CGNL1: variants seen among roughly 807,000 people sequenced by gnomAD.
CGNL1 encodes the protein cingulin like 1, also known as cingulin-like protein 1.
In CGNL1, 132 loss-of-function variants were observed where a neutral mutation model predicts 141.2. That is an observed-to-expected ratio of 0.93 (90% CI 0.81 to 1.08). CGNL1 has a LOEUF of 1.08. CGNL1 is among the 50% of genes least tolerant of loss of function. The pLI is 0.00. For missense variants in CGNL1, 1,870 were observed against 1,588.6 expected, an observed-to-expected ratio of 1.18 and a Z score of -3.01; for synonymous variants, 690 against 622.1, an observed-to-expected ratio of 1.11 and a Z score of -1.63.
chr15:57,430,953 C>G (rs568307385), intron 1 of CGNL1, among the ~76,000 whole-genome samples: 2 of 152,020 alleles, frequency 1.3e-5, no homozygotes, highest in African/African-American at 4.8e-5. Flanking sequence ...AATTCCTGGC[C>G]GCAGGTGATC....
At chr15:57,416,197 G>GT (rs201713687) in intron 1 of CGNL1, among the ~76,000 whole-genome samples, 612 of 57,560 alleles carry the variant, frequency 0.011, 4 homozygotes, top group South Asian at 0.023. Flanking sequence ...TTTGCTCAGT[G>GT]TTTTTTTTTT....
At position 57,402,484 on chromosome 15, in the gene CGNL1, G is replaced by A. The variant is rs370860473; in HGVS notation, c.-16+25917G>A. ...AATGGACTAGCACACCATGCTCTAAGTAGGGCATAAAGAAAGGAGCCTGGA... is the reference window on the plus strand; with the variant it reads ...AATGGACTAGCACACCATGCTCTAAATAGGGCATAAAGAAAGGAGCCTGGA... On this transcript the variant is annotated intron_variant, in intron 1 of 18. Transcript: ENST00000281282. 8.9e-4 allele frequency among the ~76,000 whole-genome samples: 135 copies of A among 152,286 alleles called. 4 individuals are homozygous for A. The South Asian group carries it at 0.028, about 31-fold the overall frequency.
chr15:57,413,137 C>T (rs1441543178), intron 1 of CGNL1, among the ~76,000 whole-genome samples: 3 of 152,028 alleles, frequency 2.0e-5, no homozygotes, highest in African/African-American at 4.8e-5. Context: ...GGGATTAGGG[C>T]GTGAGCCACC....
In CGNL1 at chr15:57,548,758, A is replaced by ATG. The variant is rs1480059156; in HGVS notation, c.*1269_*1270dup. The ATG allele has an allele frequency of 3.3e-5, 5 of 151,836 alleles. No homozygotes were observed. Among genetic ancestry groups the ATG allele is most frequent in the Non-Finnish European group, 7.4e-5 (5 of 67,998 alleles). The allele number at this position is 151,836 out of a possible 1,614,324, so 9.4% of individuals were successfully genotyped here. A position where few individuals can be genotyped will look rare whatever the true frequency, so the allele number is the denominator to read the frequency against. On this transcript the variant is annotated 3_prime_UTR_variant, in exon 19 of 19. Transcript: ENST00000281282. ...TTTGGGATCGGGGGAATAAGAGGGT[A>ATG]TGGGGGAAAGGTTCATAGACTTAGG... is the stretch of plus-strand genomic sequence containing the variant.
intron 10 of CGNL1, among the ~76,000 whole-genome samples, chr15:57,520,491 A>G (rs1409427321): frequency 2.6e-5 from 4 of 152,216 alleles, no homozygotes; most frequent in African/African-American, 9.6e-5. Context: ...ACCATGACTC[A>G]GTTAAAAAGT....
intron 8 of CGNL1, among the ~76,000 whole-genome samples, chr15:57,503,212 G>A (rs1482447829): frequency 6.6e-6 from 1 of 152,212 alleles, no homozygotes; most frequent in African/African-American, 2.4e-5. Context: ...AGGTCAGTAG[G>A]AGCCTTGGCA....
chr15:57,438,323 C>A lies in CGNL1; in HGVS notation c.324C>A (p.Tyr108Ter). ...AACTTCAGCTTCCAGAAAACCCATA[C>A]GCCCAGCCTAGCCCAATAAGAAACC... ...SEELQLPENP[Y>*]AQPSPIRNLK... Residue 108 changes from tyrosine to a stop codon, truncating the protein, a stop_gained, in exon 2 of 19, where the codon TAC (tyrosine) becomes TAA (stop). Coordinates refer to ENST00000281282, the MANE Select transcript of CGNL1 (RefSeq NM_032866.5). LOFTEE classifies it high-confidence loss of function. 1 of 1,614,138 alleles carries A rather than the reference C, an allele frequency of 6.2e-7. No individual in the cohort carries two copies. Among genetic ancestry groups the A allele is most frequent in the Non-Finnish European group, 8.5e-7 (1 of 1,180,028 alleles).
At chr15:57,419,189 C>G (rs931627718) in intron 1 of CGNL1, among the ~76,000 whole-genome samples, 2 of 152,168 alleles carry the variant, frequency 1.3e-5, no homozygotes, top group Non-Finnish European at 2.9e-5. Context: ...CTCGGCCTCC[C>G]AAAGTGCTGA....
intron 8 of CGNL1, among the ~76,000 whole-genome samples, chr15:57,465,439 G>A (rs1362774899): frequency 2.2e-4 from 31 of 141,920 alleles, no homozygotes; most frequent in Admixed American, 2.0e-3. Context: ...TGCCCAGGCT[G>A]GAGTGAAGTA....
chr15:57,461,405 A>G (rs1334975881), intron 7 of CGNL1, among the ~76,000 whole-genome samples: 2 of 152,166 alleles, frequency 1.3e-5, no homozygotes, highest in Non-Finnish European at 2.9e-5. Context: ...GTGTTCCCCA[A>G]AGCAGTGAAA....
rs775899315 is a variant in CGNL1, at chr15:57,452,262, A to G, written c.2027A>G (p.Glu676Gly). Residue 676 changes from glutamate (E) to glycine (G), a missense_variant, in exon 6 of 19, where the codon GAA becomes GGA. Glu to Gly is a moderately conservative substitution (Grantham distance 98). Transcript: ENST00000281282. ...TTGCAGCAACGACTGGAAGAAAGTG[A>G]AGGGGAGCTCCGGAAGAATCTGGAG... ...STLQQRLEES[E>G]GELRKNLEEL... 3 of 1,613,754 alleles carry G rather than the reference A, an allele frequency of 1.9e-6. No individual in the cohort carries two copies. In the African/African-American group the frequency reaches 4.0e-5, roughly 22 times the overall value.
intron 8 of CGNL1, among the ~76,000 whole-genome samples, chr15:57,485,919 CT>C (rs1242336980): frequency 1.3e-5 from 2 of 152,182 alleles, no homozygotes; most frequent in Non-Finnish European, 2.9e-5. Context: ...GGTGCCCAGT[CT>C]CACTAACCTC....
At chr15:57,430,445 A>G (rs1857435253) in intron 1 of CGNL1, among the ~76,000 whole-genome samples, 1 of 152,248 alleles carries the variant, frequency 6.6e-6, no homozygotes, top group Non-Finnish European at 1.5e-5. Context: ...TTTTTCAGTA[A>G]CCATGAAGAA....
chr15:57,414,385 A>T (rs1256425574), intron 1 of CGNL1, among the ~76,000 whole-genome samples: 6 of 152,226 alleles, frequency 3.9e-5, no homozygotes, highest in Non-Finnish European at 4.4e-5. Context: ...GTATTTACTC[A>T]GTAACAGTCA....
At chr15:57,455,759 A>G (rs1351367350) in intron 7 of CGNL1, among the ~76,000 whole-genome samples, 4 of 152,196 alleles carry the variant, frequency 2.6e-5, no homozygotes, top group Admixed American at 1.3e-4. Flanking sequence ...CTGCATATCT[A>G]TTAACTGAAC....
chr15:57,520,767 C>A (rs536358358), intron 10 of CGNL1, among the ~76,000 whole-genome samples: 1 of 152,102 alleles, frequency 6.6e-6, no homozygotes, highest in Non-Finnish European at 1.5e-5. Context: ...TTGAGACAAC[C>A]AAGGAAAAAG....
chr15:57,488,438 T>C (rs1423141054), intron 8 of CGNL1, among the ~76,000 whole-genome samples: 4 of 152,232 alleles, frequency 2.6e-5, no homozygotes, highest in African/African-American at 9.7e-5. Context: ...TTGGTACTTG[T>C]GTTGTATCTA....
intron 8 of CGNL1, among the ~76,000 whole-genome samples, chr15:57,474,226 G>A (rs762495530): frequency 2.0e-5 from 3 of 152,076 alleles, no homozygotes; most frequent in Admixed American, 6.6e-5. Flanking sequence ...GTCACTGCTT[G>A]ATTCCTTACC....
At chr15:57,434,075 G>A (rs1216833283) in intron 1 of CGNL1, among the ~76,000 whole-genome samples, 1 of 148,528 alleles carries the variant, frequency 6.7e-6, no homozygotes, top group Non-Finnish European at 1.5e-5. Flanking sequence ...AATATGAAAA[G>A]TAGGGGCCAA....
Sources: gnomAD v4.1 joint callset for allele counts (sites outside exome capture counted in the v4.1 genomes callset) on GRCh38, gnomAD v4.1.1 for gene constraint, MANE v1.5 for transcripts, NCBI Gene and HGNC (gene_info 2026-07-23, HGNC 2026-07-21) for gene names.